PDE4D: variants seen among roughly 807,000 people sequenced by gnomAD.
PDE4D encodes the protein 3',5'-cyclic-AMP phosphodiesterase 4D.
PDE4D carries 24 observed loss-of-function variants against 87.4 expected under a neutral mutation model. The ratio of observed to expected loss-of-function variants is 0.27; its 90% CI spans 0.20 to 0.39. PDE4D has a LOEUF of 0.39. PDE4D is among the 10% of genes least tolerant of loss of function. The pLI, the probability that PDE4D is intolerant of heterozygous loss-of-function variation, is 1.00. For synonymous variants in PDE4D, 384 were observed against 383.2 expected (o/e 1.00, Z -0.02); for missense variants, 714 against 1,041.0 (o/e 0.69, Z 4.32).
intron 1 of PDE4D, among the ~76,000 whole-genome samples, chr5:59,695,388 T>C (rs763062658): frequency 1.3e-5 from 2 of 152,030 alleles, no homozygotes; most frequent in Non-Finnish European, 2.9e-5. Context: ...CCAAATGTCA[T>C]CTCTGTGCAT....
chr5:60,238,440 C>G lies in PDE4D; in HGVS notation c.-89-52753G>C, dbSNP rs111518759. 8.3e-3 allele frequency among the ~76,000 whole-genome samples: 1,261 copies of G among 151,978 alleles called. 9 individuals are homozygous for G. The highest frequency in any genetic ancestry group is 0.029 in the African/African-American group (1,211 of 41,502). On this transcript the variant is annotated intron_variant, in intron 1 of 16. Transcript: ENST00000502484. ...TAGATATATGCCTAGAAGTGGAATT[C>G]CTCCTTCAAGATATGCAAATGTTTA...
intron 2 of PDE4D, among the ~76,000 whole-genome samples, chr5:59,208,756 A>T (rs1013980824): frequency 4.1e-4 from 62 of 152,162 alleles, no homozygotes; most frequent in African/African-American, 1.4e-3. Flanking sequence ...TGAAACTCCC[A>T]TTTTTTTAAA....
chr5:60,478,729 A>C (rs1748509028), intron 1 of PDE4D, among the ~76,000 whole-genome samples: 1 of 152,154 alleles, frequency 6.6e-6, no homozygotes, highest in South Asian at 2.1e-4. Context: ...GTGAATAATA[A>C]AGCAGACACC....
At chr5:59,017,574 A>C (rs1754287211) in intron 6 of PDE4D, among the ~76,000 whole-genome samples, 1 of 152,196 alleles carries the variant, frequency 6.6e-6, no homozygotes, top group Admixed American at 6.5e-5. Flanking sequence ...GGATAAGAAA[A>C]GCTGCCAGAC....
intron 1 of PDE4D, among the ~76,000 whole-genome samples, chr5:59,871,838 C>A (rs1010587576): frequency 1.3e-4 from 20 of 152,126 alleles, no homozygotes; most frequent in African/African-American, 4.8e-4. Flanking sequence ...CAGCTAGAAA[C>A]CTCGGGGTCA....
chr5:59,272,634 T>A (rs1764038789), intron 1 of PDE4D, among the ~76,000 whole-genome samples: 2 of 152,124 alleles, frequency 1.3e-5, no homozygotes, highest in South Asian at 4.1e-4. Flanking sequence ...AGTATACACC[T>A]TTATTAAATA....
chr5:59,699,943 G>C (rs1752325622), intron 1 of PDE4D, among the ~76,000 whole-genome samples: 1 of 152,114 alleles, frequency 6.6e-6, no homozygotes, highest in South Asian at 2.1e-4. Flanking sequence ...ATTTGCACAG[G>C]AATGATAGAC....
chr5:59,442,347 A>G (rs1797759036), intron 1 of PDE4D, among the ~76,000 whole-genome samples: 1 of 152,144 alleles, frequency 6.6e-6, no homozygotes, highest in Non-Finnish European at 1.5e-5. Flanking sequence ...ACAACATCCA[A>G]GTTTTCATAA....
intron 1 of PDE4D, among the ~76,000 whole-genome samples, chr5:60,297,829 T>G (rs1404493954): frequency 6.6e-6 from 1 of 152,202 alleles, no homozygotes; most frequent in Admixed American, 6.5e-5. Context: ...TATAACTTCT[T>G]TGCATGCTTA....
At chr5:59,838,552 T>C (rs1030773824) in intron 1 of PDE4D, among the ~76,000 whole-genome samples, 1 of 152,080 alleles carries the variant, frequency 6.6e-6, no homozygotes, top group Non-Finnish European at 1.5e-5. Flanking sequence ...TTCCTCTCTC[T>C]ACTTTCCCTT....
chr5:59,217,109 A>G (rs2153506891), intron 1 of PDE4D: 1 of 438,938 alleles, frequency 2.3e-6, no homozygotes, highest in East Asian at 7.0e-5. Flanking sequence ...TCTTAACGTC[A>G]TAGTCCTTAT....
intron 1 of PDE4D, among the ~76,000 whole-genome samples, chr5:60,315,802 T>C (rs147908406): frequency 0.098 from 14,934 of 151,890 alleles, 994 homozygotes; most frequent in South Asian, 0.28. Flanking sequence ...GTTGTAGATA[T>C]GCAGCATTAT....
intron 1 of PDE4D, among the ~76,000 whole-genome samples, chr5:59,724,086 T>C (rs971696635): frequency 1.3e-5 from 2 of 152,152 alleles, no homozygotes; most frequent in African/African-American, 4.8e-5. Context: ...GTGATTTTAC[T>C]TGGTCCTTCT....
intron 3 of PDE4D, among the ~76,000 whole-genome samples, chr5:59,926,639 T>C (rs1317729342): frequency 6.6e-6 from 1 of 152,078 alleles, no homozygotes; most frequent in African/African-American, 2.4e-5. Flanking sequence ...TTTTCTAACA[T>C]AGCATCTTAA....
chr5:59,283,608 C>T (rs921651908), intron 1 of PDE4D, among the ~76,000 whole-genome samples: 8 of 152,104 alleles, frequency 5.3e-5, no homozygotes, highest in African/African-American at 1.9e-4. Flanking sequence ...CAATCTCACA[C>T]ACCTTGCCCC....
chr5:59,649,911 T>TTTTTTTC (rs1389531713), intron 1 of PDE4D, among the ~76,000 whole-genome samples: 1 of 116,506 alleles, frequency 8.6e-6, no homozygotes, highest in Admixed American at 9.0e-5. Context: ...GAACCTTTTT[T>TTTTTTTC]TTTTTTTTTT....
chr5:59,981,823 A>G (rs1310210923), intron 3 of PDE4D, among the ~76,000 whole-genome samples: 1 of 152,210 alleles, frequency 6.6e-6, no homozygotes, highest in Non-Finnish European at 1.5e-5. Flanking sequence ...GAAAGATCAG[A>G]TGTGTCTGAT....
chr5:60,451,804 G>A (rs1000537141), intron 1 of PDE4D, among the ~76,000 whole-genome samples: 9 of 152,018 alleles, frequency 5.9e-5, no homozygotes, highest in African/African-American at 1.4e-4. Context: ...TTACATTATC[G>A]GCTCAATAAT....
rs562168597 is a variant in PDE4D, at chr5:60,099,876, G to A, written c.42+85681C>T. ...CCTTTCAAGCAGCAATTTCAGTTCTGGAACTCTATCCCACAGATACTTTGT... is the reference window on the plus strand; with the variant it reads ...CCTTTCAAGCAGCAATTTCAGTTCTAGAACTCTATCCCACAGATACTTTGT... On this transcript the variant is annotated intron_variant, in intron 2 of 16. Transcript: ENST00000502484. Among the ~76,000 whole-genome samples the A allele has an allele frequency of 9.2e-5, 14 of 152,000 alleles. No homozygotes were observed. The South Asian group carries it at 2.1e-3, about 23-fold the overall frequency.
Sources: gnomAD v4.1 joint callset for allele counts (sites outside exome capture counted in the v4.1 genomes callset) on GRCh38, gnomAD v4.1.1 for gene constraint, MANE v1.5 for transcripts, NCBI Gene and HGNC (gene_info 2026-07-23, HGNC 2026-07-21) for gene names.